Variants in MCM3AP observed in about 807,000 individuals in gnomAD.
MCM3AP encodes the protein minichromosome maintenance complex component 3 associated protein.
MCM3AP carries 126 observed loss-of-function variants against 184.1 expected under a neutral mutation model. That is an observed-to-expected ratio of 0.68 (90% CI 0.59 to 0.79). The LOEUF is 0.79. Ranked by LOEUF, MCM3AP falls within the 30% of genes least tolerant of loss-of-function variation. MCM3AP has a pLI of 0.00. For missense variants in MCM3AP, 2,496 were observed against 2,479.2 expected (o/e 1.01, Z -0.14); for synonymous variants, 1,002 against 979.3 (o/e 1.02, Z -0.43).
chr21:46,280,430 A>C, intron 3 of MCM3AP, 67 bp downstream of exon 3: 2 of 1,153,248 alleles, frequency 1.7e-6, no homozygotes, highest in Non-Finnish European at 2.5e-6. Flanking sequence ...ACATAGCGAG[A>C]TCTCATCTCT....
In MCM3AP at chr21:46,265,367, T is replaced by C. The variant is rs750855467; in HGVS notation, c.3188A>G (p.Gln1063Arg). Residue 1063 changes from glutamine (Q) to arginine (R), a missense_variant, in exon 12 of 28, where the codon CAG becomes CGG. By Grantham distance (43) the Gln-to-Arg change is conservative. Coordinates refer to ENST00000291688, the MANE Select transcript of MCM3AP (RefSeq NM_003906.5). ...GGGCTCTGGAGGCGGTGGTTCAGGC[T>C]GCACAGACAGCTGGAAGAGGCTGGG... ...VAPSLFQLSV[Q>R]PEPPPPEPVP... 45 of 1,613,882 alleles carry C rather than the reference T, an allele frequency of 2.8e-5. No homozygotes were observed. Among genetic ancestry groups the C allele is most frequent in the Non-Finnish European group, 3.5e-5 (41 of 1,180,018 alleles).
rs1194083128 is a variant in MCM3AP, at chr21:46,261,344, C to A, written c.3403G>T (p.Ala1135Ser). The A allele has an allele frequency of 1.9e-6, 3 of 1,614,168 alleles. No homozygotes were observed. The highest frequency in any genetic ancestry group is 2.5e-6 in the Non-Finnish European group (3 of 1,180,000). ...ATTGILRHIAAEEVSKERERR... is the reference protein window; with the variant it reads ...ATTGILRHIASEEVSKERERR... Reference sequence around the variant, plus strand: ...TCTCTTTCCTTAGACACTTCTTCAGCTGCAATGTGCCTCAAAATGCCCGTG... The same window carrying A: ...TCTCTTTCCTTAGACACTTCTTCAGATGCAATGTGCCTCAAAATGCCCGTG... Residue 1135 changes from alanine (A) to serine (S), a missense_variant, in exon 14 of 28, where the codon GCT (alanine) becomes TCT (serine). By Grantham distance (99) the Ala-to-Ser change is moderately conservative. This residue lies in a region of MCM3AP where 1,323 missense variants were observed against 1,273.4 expected (regional missense o/e 1.04). Transcript: ENST00000291688.
chr21:46,261,542 G>A (rs552493402), intron 13 of MCM3AP, 131 bp from the exon 14 acceptor site: 165 of 765,682 alleles, frequency 2.2e-4, no homozygotes, highest in Non-Finnish European at 3.2e-4. Flanking sequence ...AGACCATTCT[G>A]GCCAACACAG....
chr21:46,283,816 C>T lies in MCM3AP; in HGVS notation c.1242G>A (p.Ala414=), dbSNP rs369971868. The change falls in exon 2 of 28, where the codon GCG becomes GCA. Residue 414 remains alanine (A), a synonymous_variant. Transcript: ENST00000291688. ...KKEDSLRGTP[A]RQSNRSESTD... ...TGCTCTCGCTTCTGTTACTCTGACGCGCCGGAGTTCCTCTTAGAGAATCTA... is the reference window on the plus strand; with the variant it reads ...TGCTCTCGCTTCTGTTACTCTGACGTGCCGGAGTTCCTCTTAGAGAATCTA... 2.2e-5 allele frequency: 35 copies of T among 1,613,302 alleles called. No homozygotes were observed. Among genetic ancestry groups the T allele is most frequent in the African/African-American group, 2.1e-4 (16 of 74,882 alleles).
At chr21:46,252,778 T>G (rs1303757427) in intron 19 of MCM3AP, 1 of 152,094 alleles carries the variant, frequency 6.6e-6, no homozygotes, top group Admixed American at 6.6e-5. Context: ...TATCTAAAAA[T>G]CACTGAAATG....
rs184779031 is a variant in MCM3AP, at chr21:46,243,266, G to T, written c.5296+199C>A. 1.8e-4 allele frequency: 129 copies of T among 711,198 alleles called. No homozygotes were observed. In the African/African-American group the frequency reaches 2.0e-3, roughly 11 times the overall value. 44.1% of individuals were successfully genotyped at this position (711,198 alleles called of 1,614,324 possible). A position where few individuals can be genotyped will look rare whatever the true frequency, so the allele number is the denominator to read the frequency against. ...ATCCTAGGGGGCCTGTTTCAGGGAG[G>T]TGAGTTCAGGCTCTACCAGAAACTT... On this transcript the variant is annotated intron_variant, in intron 24 of 27. Transcript: ENST00000291688.
At chr21:46,259,818 T>C (rs2081016892) in intron 15 of MCM3AP, among the ~76,000 whole-genome samples, 1 of 146,832 alleles carries the variant, frequency 6.8e-6, no homozygotes. Context: ...AGGCTGAGAA[T>C]GGCGTGAACC....
rs753840824 is a variant in MCM3AP at position 46,273,481 on chromosome 21, C to G, written c.2103G>C (p.Met701Ile). ...LRPLPVLSRTMDYLVTQIMDQ... is the reference protein window; with the variant it reads ...LRPLPVLSRTIDYLVTQIMDQ... ...CCATGATCTGGGTCACCAGGTAGTC[C>G]ATGGTCCTGCTGAGCACTGGCAAGG... The change falls in exon 7 of 28, where the codon ATG (methionine) becomes ATC (isoleucine). Residue 701 changes from methionine (M) to isoleucine (I), a missense_variant. By Grantham distance (10) the Met-to-Ile change is conservative. This residue lies in a region of MCM3AP where 130 missense variants were observed against 199.8 expected (regional missense o/e 0.65). Coordinates refer to ENST00000291688, the MANE Select transcript of MCM3AP (RefSeq NM_003906.5). The G allele has an allele frequency of 6.2e-7, 1 of 1,613,958 alleles. No homozygotes were observed. Among genetic ancestry groups the G allele is most frequent in the East Asian group, 2.2e-5 (1 of 44,886 alleles).
rs1027982872 is a variant in MCM3AP, at chr21:46,242,717, G to C, written c.5426+85C>G. The C allele has an allele frequency of 8.7e-6, 12 of 1,382,608 alleles. No individual in the cohort carries two copies. In the African/African-American group the frequency reaches 1.3e-4, roughly 15 times the overall value. The allele number at this position is 1,382,608 out of a possible 1,614,324, so 85.6% of individuals were successfully genotyped here. On this transcript the variant is annotated intron_variant, in intron 25 of 27. Transcript: ENST00000291688. ...AGTCTGCCCACAGTGGACTGGATTT[G>C]GCATGTAGGATGTTAATTTCTATTT...
intron 20 of MCM3AP, chr21:46,247,143 G>C (rs1043988838): frequency 2.3e-6 from 1 of 440,290 alleles, no homozygotes; most frequent in African/African-American, 2.0e-5. Context: ...TTTTGAGAAG[G>C]GGGTCTTATT....
Position 46,242,897 on chromosome 21 carries a change from A to G in MCM3AP, c.5331T>C (p.Tyr1777=). Residue 1777 remains tyrosine, a synonymous_variant, in exon 25 of 28, where the codon TAT becomes TAC. Transcript: ENST00000291688. ...ALSEDGQICV[Y]FFKNDLKKYD... The stretch of plus-strand genomic sequence containing the variant: ...ATTTTTTCAAATCGTTTTTAAAAAA[A>G]TACACACATATCTGACCATCTTCAC... 3 of 1,613,740 alleles carry G rather than the reference A, an allele frequency of 1.9e-6. No individual in the cohort carries two copies. The highest frequency in any genetic ancestry group is 2.5e-6 in the Non-Finnish European group (3 of 1,179,832).
At position 46,270,566 on chromosome 21, in the gene MCM3AP, GTTAA is replaced by G. The variant is rs754196255; in HGVS notation, c.2466-7_2466-4del. 1.0e-4 allele frequency: 166 copies of G among 1,590,000 alleles called. 3 individuals are homozygous for G. In the Admixed American group the frequency reaches 2.9e-3, roughly 28 times the overall value. On this transcript the variant is annotated splice_region_variant and splice_polypyrimidine_tract_variant and intron_variant, in intron 8 of 27. Coordinates refer to ENST00000291688, the MANE Select transcript of MCM3AP (RefSeq NM_003906.5). ...CAGGATGGAACTGTTGTACTTCTCTGTTAATTAAAGGAGAGAAAAGGGGTTGGAA... is the reference window on the plus strand; with the variant it reads ...CAGGATGGAACTGTTGTACTTCTCTGTTAAAGGAGAGAAAAGGGGTTGGAA...
At chr21:46,243,880 C>T (rs978395402) in intron 23 of MCM3AP, 158 bp from the exon 24 acceptor site, 10 of 705,176 alleles carry the variant, frequency 1.4e-5, no homozygotes, top group Non-Finnish European at 2.3e-5. Flanking sequence ...GCAGCTTGCT[C>T]CCAGGGTCTA....
At chr21:46,283,059 G>C (rs965755651) in intron 2 of MCM3AP, among the ~76,000 whole-genome samples, 5 of 151,720 alleles carry the variant, frequency 3.3e-5, no homozygotes, top group Admixed American at 2.0e-4. Context: ...CCGAGTAGCT[G>C]AGATGACAGG....
chr21:46,268,259 C>CA (rs1010403021), intron 9 of MCM3AP, among the ~76,000 whole-genome samples: 9 of 152,186 alleles, frequency 5.9e-5, no homozygotes, highest in Admixed American at 5.2e-4. Flanking sequence ...AAAATCCGAA[C>CA]AAAAATTCTG....
rs35302603 is a variant in MCM3AP at position 46,277,599 on chromosome 21, T to A, written c.1786A>T (p.Ile596Leu). 6.2e-7 allele frequency: 1 copy of A among 1,611,552 alleles called. No homozygotes were observed. Among genetic ancestry groups the A allele is most frequent in the African/African-American group, 1.3e-5 (1 of 74,788 alleles). Residue 596 changes from isoleucine (I) to leucine (L), a missense_variant, in exon 5 of 28, where the codon ATA becomes TTA. Physicochemically the swap from Ile to Leu is conservative, Grantham distance 5. Around this residue, in one of 5 missense-constraint regions of MCM3AP, gnomAD observed 800 missense variants for 717.1 expected, o/e 1.12. Coordinates refer to ENST00000291688, the MANE Select transcript of MCM3AP (RefSeq NM_003906.5). ...TTGGATGTCTCAGCCACAGTGCCTA[T>A]CAGGGTACTGAGGGAGAGCACACAT... ...GPCVLSLSTLIGTVAETSKEK... is the reference protein window; with the variant it reads ...GPCVLSLSTLLGTVAETSKEK...
chr21:46,262,214 C>A (rs771391681), intron 13 of MCM3AP, among the ~76,000 whole-genome samples: 10 of 152,168 alleles, frequency 6.6e-5, no homozygotes, highest in East Asian at 1.9e-4. Flanking sequence ...CTGGTAAATT[C>A]TATTAAACAC....
In MCM3AP at chr21:46,273,669, C is replaced by T; in HGVS notation, c.1999-84G>A. ...TATGCCTGAAAATGAGGGGGAAAAT[C>T]ACATACACACCCACACAAGATCAGT... On this transcript the variant is annotated intron_variant, in intron 6 of 27. Coordinates refer to ENST00000291688, the MANE Select transcript of MCM3AP (RefSeq NM_003906.5). The T allele has an allele frequency of 3.2e-6, 3 of 937,382 alleles. 1 individual carries two copies. The South Asian group carries it at 4.1e-5, about 13-fold the overall frequency. 58.1% of individuals were successfully genotyped at this position (937,382 alleles called of 1,614,324 possible).
Position 46,235,331 on chromosome 21 carries a change from T to G in MCM3AP, c.5880A>C (p.Ser1960=), listed in dbSNP as rs1356366581. The G allele has an allele frequency of 6.2e-7, 1 of 1,614,208 alleles. No homozygotes were observed. The highest frequency in any genetic ancestry group is 8.5e-7 in the Non-Finnish European group (1 of 1,180,028). The change falls in exon 28 of 28, where the codon TCA becomes TCC. Residue 1960 remains serine, a synonymous_variant. Transcript: ENST00000291688. ...LKHLERLIRS[S]REEEVASELH... is the part of the protein sequence containing the mutation. ...GCTCAGAGGCAACTTCCTCTTCCCT[T>G]GAACTCCGGATCAGCCTTTCCAGGT...
Sources: gnomAD v4.1 joint callset for allele counts (sites outside exome capture counted in the v4.1 genomes callset) on GRCh38, gnomAD v4.1.1 for gene constraint, gnomAD v4.1.1 regional missense constraint, MANE v1.5 for transcripts, NCBI Gene and HGNC (gene_info 2026-07-23, HGNC 2026-07-21) for gene names.